Variants in PCDHA9 observed in about 807,000 individuals in gnomAD.
The protein encoded by PCDHA9 is protocadherin alpha 9.
PCDHA9 carries 62 observed loss-of-function variants against 62.0 expected under a neutral mutation model. That is an observed-to-expected ratio of 1.00 (90% CI 0.81 to 1.23). The LOEUF is 1.23. Among genes scored for constraint, PCDHA9 ranks in the 50% most tolerant of loss-of-function variants. The pLI, the probability that PCDHA9 is intolerant of heterozygous loss-of-function variation, is 0.00. For missense variants in PCDHA9, 1,205 were observed against 1,249.8 expected (o/e 0.96, Z 0.54); for synonymous variants, 557 against 567.6 (o/e 0.98, Z 0.27).
intron 1 of PCDHA9, chr5:140,868,803 C>A: frequency 2.9e-6 from 1 of 350,392 alleles, no homozygotes; most frequent in South Asian, 7.0e-5. Context: ...CATAAATAAG[C>A]ACGTTGGAAA....
At chr5:141,004,919 T>A (rs144687292) in intron 3 of PCDHA9, among the ~76,000 whole-genome samples, 2 of 152,264 alleles carry the variant, frequency 1.3e-5, no homozygotes, top group East Asian at 3.9e-4. Flanking sequence ...GGAAAAGGGT[T>A]TGGAAGAGAG....
intron 1 of PCDHA9, among the ~76,000 whole-genome samples, chr5:140,971,002 C>A (rs2096450018): frequency 6.6e-6 from 1 of 152,136 alleles, no homozygotes; most frequent in Non-Finnish European, 1.5e-5. Context: ...CAAAGAGTTT[C>A]CAGAAGTCTT....
intron 1 of PCDHA9, among the ~76,000 whole-genome samples, chr5:140,912,180 T>C (rs2075805933): frequency 6.6e-6 from 1 of 152,168 alleles, no homozygotes; most frequent in South Asian, 2.1e-4. Flanking sequence ...TGGCAGCTGA[T>C]TAGATTGTGC....
chr5:140,946,631 T>TAC (rs374022482), intron 1 of PCDHA9, among the ~76,000 whole-genome samples: 8 of 131,856 alleles, frequency 6.1e-5, no homozygotes, highest in African/African-American at 1.7e-4. Context: ...TATATATATA[T>TAC]ACAATGGAAT....
chr5:140,913,955 AT>A (rs2076529735), intron 1 of PCDHA9, among the ~76,000 whole-genome samples: 2 of 152,108 alleles, frequency 1.3e-5, no homozygotes, highest in African/African-American at 2.4e-5. Context: ...ATATGATATC[AT>A]TTTTAAAAAA....
chr5:140,866,610 G>A (rs1177328697), intron 1 of PCDHA9: 2 of 152,124 alleles, frequency 1.3e-5, no homozygotes, highest in Admixed American at 1.3e-4. Context: ...TGGTTTTGGA[G>A]AACCTCCTGG....
chr5:140,902,976 G>T (rs2069915302), intron 1 of PCDHA9, among the ~76,000 whole-genome samples: 1 of 152,140 alleles, frequency 6.6e-6, no homozygotes, highest in African/African-American at 2.4e-5. Flanking sequence ...GGGCATTTAG[G>T]TTGGTTCCAT....
At chr5:140,982,191 T>C (rs1431582069) in intron 2 of PCDHA9, among the ~76,000 whole-genome samples, 2 of 152,266 alleles carry the variant, frequency 1.3e-5, no homozygotes, top group Non-Finnish European at 2.9e-5. Flanking sequence ...ATGGGCTTCC[T>C]GTTAGATTTA....
At chr5:140,926,685 A>C in intron 1 of PCDHA9, 1 of 665,408 alleles carries the variant, frequency 1.5e-6, no homozygotes, top group Non-Finnish European at 2.3e-6. Context: ...CCTCCAGCCT[A>C]GCAAGCCCGG....
chr5:140,960,740 C>T (rs949372581), intron 1 of PCDHA9, among the ~76,000 whole-genome samples: 1 of 151,868 alleles, frequency 6.6e-6, no homozygotes, highest in South Asian at 2.1e-4. Flanking sequence ...GATTTTAGTC[C>T]ATGGCTAAAA....
intron 1 of PCDHA9, chr5:140,867,201 T>C (rs1554161078): frequency 6.6e-6 from 1 of 152,156 alleles, no homozygotes; most frequent in African/African-American, 2.4e-5. Context: ...CCACATTCCA[T>C]GTAACATCTT....
At chr5:140,878,107 A>G in intron 1 of PCDHA9, 1 of 256,418 alleles carries the variant, frequency 3.9e-6, no homozygotes, top group Non-Finnish European at 7.2e-6. Context: ...AACCTTGAAA[A>G]AAACAGTATA....
At chr5:140,925,052 A>G (rs1221049582) in intron 1 of PCDHA9, among the ~76,000 whole-genome samples, 1 of 151,720 alleles carries the variant, frequency 6.6e-6, no homozygotes, top group African/African-American at 2.4e-5. Context: ...TTGAGACCAG[A>G]CTGGGCAACA....
At chr5:140,860,133 G>GTATATATATGTATATATGTGTA (rs2046204026) in intron 1 of PCDHA9, 2 of 149,192 alleles carry the variant, frequency 1.3e-5, no homozygotes, top group African/African-American at 2.5e-5. Context: ...GTGTGTGTGT[G>GTATATATATGTATATATGTGTA]TATATATATG....
rs990142871 is a variant in PCDHA9, at chr5:140,854,493, T to G, written c.2394+3604T>G. 2.7e-5 allele frequency: 4 copies of G among 149,954 alleles called. No homozygotes were observed. The Admixed American group carries it at 2.7e-4, about 10-fold the overall frequency. The allele number at this position is 149,954 out of a possible 1,614,324, so 9.3% of individuals were successfully genotyped here. On this transcript the variant is annotated intron_variant, in intron 1 of 3. Transcript: ENST00000532602. ...AGAGAAGTATAGAAACAGAATTTAG[T>G]AGGACACATAAACTGATGGATTAAG...
At position 140,870,948 on chromosome 5, in the gene PCDHA9, C is replaced by T. The variant is rs868931274; in HGVS notation, c.2394+20059C>T. ...CATATGAATTGCAGCCGGCGGCGGG[C>T]GGCTCGCGCATCCCGTTCCGCGTGG... On this transcript the variant is annotated intron_variant, in intron 1 of 3. Coordinates refer to ENST00000532602, the MANE Select transcript of PCDHA9 (RefSeq NM_031857.2). 3.0e-5 allele frequency: 49 copies of T among 1,613,584 alleles called. 1 individual carries two copies. The Middle Eastern group carries it at 7.0e-3, about 229-fold the overall frequency.
chr5:140,886,129 A>G (rs1428853250), intron 1 of PCDHA9, among the ~76,000 whole-genome samples: 1 of 152,224 alleles, frequency 6.6e-6, no homozygotes, highest in Non-Finnish European at 1.5e-5. Flanking sequence ...TTCCGTAACA[A>G]CCAGATTCTT....
At chr5:140,937,718 C>T (rs538350541) in intron 1 of PCDHA9, among the ~76,000 whole-genome samples, 1 of 152,076 alleles carries the variant, frequency 6.6e-6, no homozygotes, top group South Asian at 2.1e-4. Context: ...CAAGACCATC[C>T]TGGCTAACAC....
At chr5:140,902,367 T>C (rs2153476761) in intron 1 of PCDHA9, among the ~76,000 whole-genome samples, 1 of 152,142 alleles carries the variant, frequency 6.6e-6, no homozygotes, top group Middle Eastern at 3.4e-3. Flanking sequence ...TTCTCTTGTC[T>C]AATTGCTCTA....
Sources: allele counts gnomAD v4.1 joint callset (sites outside exome capture counted in the v4.1 genomes callset), GRCh38; gene constraint gnomAD v4.1.1; transcripts MANE v1.5; gene names NCBI Gene and HGNC (gene_info 2026-07-23, HGNC 2026-07-21).